Variants in TXNDC11 observed in about 807,000 individuals in gnomAD.
TXNDC11 encodes thioredoxin domain-containing protein 11.
In TXNDC11, 68 loss-of-function variants were observed where a neutral mutation model predicts 78.0. The observed-to-expected ratio is 0.87, with a 90% CI of 0.72 to 1.07. The LOEUF (loss-of-function observed/expected upper bound fraction) is 1.07, where lower values mean the gene tolerates loss of function less well. TXNDC11 is among the 50% of genes least tolerant of loss of function. The pLI, the probability that TXNDC11 is intolerant of heterozygous loss-of-function variation, is 0.00. For missense variants in TXNDC11, 1,389 were observed against 1,221.8 expected (o/e 1.14, Z -2.04); for synonymous variants, 571 against 495.2 (o/e 1.15, Z -2.03).
At chr16:11,711,649 G>A (rs2051364214) in intron 5 of TXNDC11, among the ~76,000 whole-genome samples, 1 of 152,198 alleles carries the variant, frequency 6.6e-6, no homozygotes, top group South Asian at 2.1e-4. Flanking sequence ...CAGCTGATTA[G>A]CAATCTAATT....
chr16:11,736,104 T>C lies in TXNDC11; in HGVS notation c.384A>G (p.Val128=), dbSNP rs1228879483. ...AEYVRRDSEV[V]LLFFYAPWCG... is the part of the protein sequence containing the mutation. ...ACCAAGGGGCATAGAAGAAGAGCAG[T>C]ACCACCTCTGAATCCCGTCGAACGT... Residue 128 remains valine, a synonymous_variant, in exon 2 of 12, where the codon GTA becomes GTG. Coordinates refer to ENST00000283033, the MANE Select transcript of TXNDC11 (RefSeq NM_015914.7). 6.2e-7 allele frequency: 1 copy of C among 1,614,204 alleles called. No homozygotes were observed. Among genetic ancestry groups the C allele is most frequent in the South Asian group, 1.1e-5 (1 of 91,090 alleles).
chr16:11,716,668 G>T (rs1048340022), intron 5 of TXNDC11, among the ~76,000 whole-genome samples: 3 of 152,162 alleles, frequency 2.0e-5, no homozygotes, highest in African/African-American at 4.8e-5. Flanking sequence ...AGAAAGGAAA[G>T]CTAAATGTTA....
Position 11,687,725 on chromosome 16 carries a change from CAATT to C in TXNDC11, c.2153+128_2153+131del, listed in dbSNP as rs895522473. On this transcript the variant is annotated intron_variant, in intron 10 of 11. Coordinates refer to ENST00000283033, the MANE Select transcript of TXNDC11 (RefSeq NM_015914.7). ...GGCTTTGCTCATGGCTTCAACCTGA[CAATT>C]AAATTCAGCCAAGTCCTACCAAAGG... 12 of 639,042 alleles carry C rather than the reference CAATT, an allele frequency of 1.9e-5. No homozygotes were observed. In the African/African-American group the frequency reaches 2.0e-4, roughly 11 times the overall value. The allele number at this position is 639,042 out of a possible 1,614,324, so 39.6% of individuals were successfully genotyped here.
In TXNDC11 at chr16:11,720,805, G is replaced by A. The variant is rs183968093; in HGVS notation, c.793+772C>T. Among the ~76,000 whole-genome samples the A allele has an allele frequency of 2.1e-3, 311 of 151,622 alleles. 1 individual carries two copies. The highest frequency in any genetic ancestry group is 7.0e-3 in the African/African-American group (289 of 41,324). ...CTGGAGTGCAGTGGTGCAGTGGCGC[G>A]ATCTCGGTTTACTGCAACCTCTGCC... On this transcript the variant is annotated intron_variant, in intron 5 of 11. Transcript: ENST00000283033.
chr16:11,686,806 C>G (rs533735652), intron 10 of TXNDC11, among the ~76,000 whole-genome samples: 2 of 152,276 alleles, frequency 1.3e-5, no homozygotes, highest in African/African-American at 4.8e-5. Context: ...TTTTAATTTC[C>G]GGGGAGGCTG....
chr16:11,741,310 A>G (rs1165789182), intron 1 of TXNDC11, among the ~76,000 whole-genome samples: 1 of 152,146 alleles, frequency 6.6e-6, no homozygotes, highest in African/African-American at 2.4e-5. Context: ...ATCCCAAAAG[A>G]CCCACTGTGG....
chr16:11,711,682 C>A (rs948184435), intron 5 of TXNDC11, among the ~76,000 whole-genome samples: 4 of 152,226 alleles, frequency 2.6e-5, no homozygotes, highest in African/African-American at 9.7e-5. Flanking sequence ...TTAATTCCCC[C>A]TTGCCATGTA....
intron 2 of TXNDC11, among the ~76,000 whole-genome samples, chr16:11,735,616 C>G (rs187766746): frequency 6.6e-6 from 1 of 152,276 alleles, no homozygotes; most frequent in East Asian, 1.9e-4. Flanking sequence ...TAGTTCTGGT[C>G]CATATATTAA....
At chr16:11,707,612 C>T (rs575575815) in intron 5 of TXNDC11, among the ~76,000 whole-genome samples, 6 of 151,688 alleles carry the variant, frequency 4.0e-5, no homozygotes, top group Non-Finnish European at 7.4e-5. Flanking sequence ...CCATGCCCAG[C>T]TAATTTTTAT....
At chr16:11,717,573 G>A (rs554647688) in intron 5 of TXNDC11, among the ~76,000 whole-genome samples, 5 of 151,894 alleles carry the variant, frequency 3.3e-5, no homozygotes, top group African/African-American at 1.2e-4. Context: ...TGTAATCCCA[G>A]CACTTTGGGA....
At chr16:11,704,092 CA>C (rs1290509843) in intron 5 of TXNDC11, among the ~76,000 whole-genome samples, 1 of 151,562 alleles carries the variant, frequency 6.6e-6, no homozygotes, top group African/African-American at 2.4e-5. Context: ...AACTCCGTCT[CA>C]AAAAAAATAA....
rs1035865329 is a variant in TXNDC11, at chr16:11,698,332, A to G, written c.907-7T>C. On this transcript the variant is annotated splice_region_variant and splice_polypyrimidine_tract_variant and intron_variant, in intron 6 of 11. Transcript: ENST00000283033. ...GGACCTCCCTGGGGAAGACCTGTGA[A>G]GGACAAAGGCACAGAGGATAAAGGA... 5.5e-5 allele frequency: 88 copies of G among 1,612,478 alleles called. No homozygotes were observed. The highest frequency in any genetic ancestry group is 7.2e-5 in the Non-Finnish European group (85 of 1,179,794).
chr16:11,718,978 C>T (rs1404533587), intron 5 of TXNDC11, among the ~76,000 whole-genome samples: 1 of 152,146 alleles, frequency 6.6e-6, no homozygotes, highest in African/African-American at 2.4e-5. Context: ...ACTATTTACC[C>T]TTCTTTTGCT....
In TXNDC11 at chr16:11,691,440, G is replaced by T; in HGVS notation, c.1750C>A (p.Leu584Ile). The change falls in exon 8 of 12, where the codon CTT becomes ATT. Residue 584 changes from leucine (L) to isoleucine (I), a missense_variant. Transcript: ENST00000283033. Reference sequence around the variant, plus strand: ...AACCAAAACAAATTTGAATCCAAAAGGTAGATGTTGAGAGTCTTGTTGGTT... The same window carrying T: ...AACCAAAACAAATTTGAATCCAAAATGTAGATGTTGAGAGTCTTGTTGGTT... ...CRTNKTLNIY[L>I]LDSNLFWLYA... 1 of 1,614,214 alleles carries T rather than the reference G, an allele frequency of 6.2e-7. No individual in the cohort carries two copies. The highest frequency in any genetic ancestry group is 8.5e-7 in the Non-Finnish European group (1 of 1,180,036).
intron 11 of TXNDC11, among the ~76,000 whole-genome samples, chr16:11,680,437 G>A (rs945986870): frequency 1.3e-5 from 2 of 152,208 alleles, no homozygotes; most frequent in African/African-American, 4.8e-5. Flanking sequence ...CCAACCAAAG[G>A]ACTATGAATT....
chr16:11,726,210 T>C (rs2051871358), intron 4 of TXNDC11, among the ~76,000 whole-genome samples: 1 of 122,490 alleles, frequency 8.2e-6, no homozygotes, highest in South Asian at 2.5e-4. Flanking sequence ...CATAAAACCA[T>C]GGTTAATGAT....
At chr16:11,687,656 G>A (rs1338005658) in intron 10 of TXNDC11, among the ~76,000 whole-genome samples, 1 of 152,204 alleles carries the variant, frequency 6.6e-6, no homozygotes, top group Non-Finnish European at 1.5e-5. Context: ...CAACATCATG[G>A]AAGGAACACT....
At chr16:11,703,480 G>T (rs1025333469) in intron 5 of TXNDC11, among the ~76,000 whole-genome samples, 14 of 151,618 alleles carry the variant, frequency 9.2e-5, no homozygotes, top group Non-Finnish European at 1.8e-4. Context: ...TGAAATCAGA[G>T]AGAATGAGTA....
chr16:11,741,297 G>A (rs1567359104), intron 1 of TXNDC11, among the ~76,000 whole-genome samples: 1 of 152,120 alleles, frequency 6.6e-6, no homozygotes, highest in Non-Finnish European at 1.5e-5. Flanking sequence ...CTTATAAACT[G>A]GAATCCCAAA....
Sources: allele counts gnomAD v4.1 joint callset (sites outside exome capture counted in the v4.1 genomes callset), GRCh38; gene constraint gnomAD v4.1.1; transcripts MANE v1.5; gene names NCBI Gene and HGNC (gene_info 2026-07-23, HGNC 2026-07-21).